The following RAB1A variants were observed in gnomAD, a reference collection of about 807,000 sequenced individuals.
The protein encoded by RAB1A is ras-related protein Rab-1A.
A neutral mutation model predicts 26.0 loss-of-function variants in RAB1A; 2 were observed. The ratio of observed to expected loss-of-function variants is 0.08; its 90% confidence interval spans 0.03 to 0.24. The LOEUF is 0.24. Among genes scored for constraint, RAB1A ranks in the 10% least tolerant of loss-of-function variants. The pLI is 1.00. For synonymous variants in RAB1A, 84 were observed against 84.9 expected (o/e 0.99, Z 0.06); for missense variants, 100 against 247.0 (o/e 0.40, Z 3.99).
chr2:65,092,183 T>A (rs1359078897), intron 3 of RAB1A, among the ~76,000 whole-genome samples: 1 of 151,440 alleles, frequency 6.6e-6, no homozygotes, highest in African/African-American at 2.4e-5. Flanking sequence ...TGAGGCAGAA[T>A]CGCTTGAGCC....
At chr2:65,110,937 T>TA (rs958029114) in intron 1 of RAB1A, among the ~76,000 whole-genome samples, 14 of 148,560 alleles carry the variant, frequency 9.4e-5, no homozygotes, top group Middle Eastern at 3.4e-3. Context: ...TCCCATCTCT[T>TA]AAAAAAAAAA....
At chr2:65,103,058 C>T (rs1669467876) in intron 2 of RAB1A, among the ~76,000 whole-genome samples, 1 of 151,284 alleles carries the variant, frequency 6.6e-6, no homozygotes, top group African/African-American at 2.4e-5. Flanking sequence ...GTAAAAAGTG[C>T]TTTCTCCAGC....
intron 1 of RAB1A, 126 bp from the exon 2 acceptor site, chr2:65,104,932 G>T (rs776880666): frequency 1.2e-6 from 1 of 852,748 alleles, no homozygotes; most frequent in Non-Finnish European, 2.0e-6. Flanking sequence ...TAAAGCCCAT[G>T]CATGGCTTAA....
At chr2:65,104,854 G>T in intron 1 of RAB1A, 48 bp from the exon 2 acceptor site, 1 of 1,385,092 alleles carries the variant, frequency 7.2e-7, no homozygotes, top group Non-Finnish European at 1.0e-6. Context: ...ACACTGCATT[G>T]CTATAAGCTA....
intron 2 of RAB1A, among the ~76,000 whole-genome samples, chr2:65,103,380 T>TTAA (rs1176778324): frequency 2.0e-5 from 3 of 151,408 alleles, no homozygotes; most frequent in Non-Finnish European, 4.4e-5. Context: ...TGGATCAACA[T>TTAA]TTTTCAAAAA....
At chr2:65,122,944 C>T (rs1249335668) in intron 1 of RAB1A, among the ~76,000 whole-genome samples, 1 of 135,906 alleles carries the variant, frequency 7.4e-6, no homozygotes, top group Non-Finnish European at 1.5e-5. Flanking sequence ...GCACTCCAGC[C>T]TGGGCAACAG....
intron 1 of RAB1A, among the ~76,000 whole-genome samples, chr2:65,107,392 T>G (rs1669586784): frequency 6.6e-6 from 1 of 152,092 alleles, no homozygotes; most frequent in South Asian, 2.1e-4. Context: ...TACTGAACAC[T>G]GAACATTAAC....
chr2:65,106,334 TAA>T, intron 1 of RAB1A: 1 of 300,614 alleles, frequency 3.3e-6, no homozygotes. Flanking sequence ...AAAAATATGC[TAA>T]AGTGAAAACC....
intron 1 of RAB1A, among the ~76,000 whole-genome samples, chr2:65,118,617 A>G (rs1217895985): frequency 6.6e-6 from 1 of 152,138 alleles, no homozygotes; most frequent in East Asian, 1.9e-4. Context: ...AGCTGGGACT[A>G]CAGGCACATG....
intron 3 of RAB1A, among the ~76,000 whole-genome samples, chr2:65,091,854 T>C (rs1334854587): frequency 6.6e-6 from 1 of 152,170 alleles, no homozygotes; most frequent in African/African-American, 2.4e-5. Context: ...GAGAAAAAAA[T>C]GTAAGGAAGA....
intron 2 of RAB1A, among the ~76,000 whole-genome samples, chr2:65,099,981 T>TA (rs759427763): frequency 1.3e-5 from 2 of 151,956 alleles, no homozygotes; most frequent in Non-Finnish European, 2.9e-5. Flanking sequence ...GTCAATGACA[T>TA]AAAAAATATA....
chr2:65,123,687 G>C (rs945542485), intron 1 of RAB1A, among the ~76,000 whole-genome samples: 2 of 151,854 alleles, frequency 1.3e-5, no homozygotes, highest in Admixed American at 1.3e-4. Flanking sequence ...TTAGCCGGGT[G>C]TGGTGGCACA....
intron 4 of RAB1A, 50 bp from the exon 5 acceptor site, chr2:65,089,120 G>A (rs1269436350): frequency 6.7e-7 from 1 of 1,499,890 alleles, no homozygotes; most frequent in East Asian, 2.3e-5. Context: ...ATATAGTTCT[G>A]GAATAAACAG....
rs1480614858 is a variant in RAB1A at position 65,121,792 on chromosome 2, C to T, written c.23+8101G>A. On this transcript the variant is annotated intron_variant, in intron 1 of 5. Coordinates refer to ENST00000409784, the MANE Select transcript of RAB1A (RefSeq NM_004161.5). ...TCCCCTCTCCCTCTAAAGCGGGGGCCGGGGGGGAGTCTGGGCATTTTGCCT... is the reference window on the plus strand; with the variant it reads ...TCCCCTCTCCCTCTAAAGCGGGGGCTGGGGGGGAGTCTGGGCATTTTGCCT... 9.9e-5 allele frequency among the ~76,000 whole-genome samples: 15 copies of T among 151,864 alleles called. 1 individual carries two copies. Among genetic ancestry groups the T allele is most frequent in the Admixed American group, 7.9e-4 (12 of 15,222 alleles).
chr2:65,125,050 C>CAAAA (rs66712908), intron 1 of RAB1A, among the ~76,000 whole-genome samples: 13 of 130,188 alleles, frequency 1.0e-4, no homozygotes, highest in Admixed American at 3.1e-4. Context: ...ACAATGCAAG[C>CAAAA]AAAAAAAAAA....
At chr2:65,127,174 A>ATGATT (rs1448668561) in intron 1 of RAB1A, among the ~76,000 whole-genome samples, 2 of 138,648 alleles carry the variant, frequency 1.4e-5, no homozygotes, top group African/African-American at 2.7e-5. Context: ...AAAAGAAAGG[A>ATGATT]TGATTTGACA....
chr2:65,096,959 C>G (rs2103833402), intron 3 of RAB1A, among the ~76,000 whole-genome samples: 1 of 152,290 alleles, frequency 6.6e-6, no homozygotes, highest in East Asian at 1.9e-4. Context: ...ATTAGTAAAT[C>G]AGGTGTCATC....
chr2:65,119,386 A>G (rs544155380), intron 1 of RAB1A, among the ~76,000 whole-genome samples: 1 of 151,986 alleles, frequency 6.6e-6, no homozygotes, highest in African/African-American at 2.4e-5. Context: ...GGGTGCTTGT[A>G]ATCCCAGCTA....
At chr2:65,122,796 C>T (rs1558588476) in intron 1 of RAB1A, among the ~76,000 whole-genome samples, 1 of 151,628 alleles carries the variant, frequency 6.6e-6, no homozygotes, top group Non-Finnish European at 1.5e-5. Context: ...CAGTGAAACC[C>T]CATCTCTACT....
Sources: gnomAD v4.1 joint callset for allele counts (sites outside exome capture counted in the v4.1 genomes callset) on GRCh38, gnomAD v4.1.1 for gene constraint, MANE v1.5 for transcripts, NCBI Gene and HGNC (gene_info 2026-07-23, HGNC 2026-07-21) for gene names.